Variants in QTMAN observed in about 807,000 individuals in gnomAD.
The protein encoded by QTMAN is queuosine-tRNA mannosyltransferase.
the QTMAN span, among the ~76,000 whole-genome samples, chr2:144,218,336 C>G: frequency 6.6e-6 from 1 of 152,182 alleles, no homozygotes; most frequent in African/African-American, 2.4e-5. Context: ...CATGCCATGG[C>G]AAAGCATCTT....
At chr2:144,202,871 A>G in the QTMAN span, among the ~76,000 whole-genome samples, 2 of 152,218 alleles carry the variant, frequency 1.3e-5, no homozygotes, top group East Asian at 3.8e-4. Context: ...AAGGATATTA[A>G]AAGTGTCTAC....
the QTMAN span, among the ~76,000 whole-genome samples, chr2:144,077,460 T>C: frequency 6.6e-6 from 1 of 152,248 alleles, no homozygotes; most frequent in African/African-American, 2.4e-5. Flanking sequence ...CCATTATCTA[T>C]ACCTCCAGAT....
chr2:144,174,000 G>A, the QTMAN span, among the ~76,000 whole-genome samples: 4 of 152,238 alleles, frequency 2.6e-5, no homozygotes, highest in Middle Eastern at 3.4e-3. Context: ...GATGTTGGGG[G>A]AATACTTCTT....
chr2:144,181,830 TA>T, the QTMAN span, among the ~76,000 whole-genome samples: 1 of 152,024 alleles, frequency 6.6e-6, no homozygotes, highest in African/African-American at 2.4e-5. Flanking sequence ...AATCAATCAA[TA>T]AATAAAAAAT....
chr2:143,986,547 C>G, the QTMAN span, among the ~76,000 whole-genome samples: 2 of 152,288 alleles, frequency 1.3e-5, no homozygotes, highest in African/African-American at 4.8e-5. Context: ...GTCTGAAATT[C>G]TTTCAGTCTG....
chr2:143,953,911 CTGA>C, the QTMAN span, among the ~76,000 whole-genome samples: 2 of 151,832 alleles, frequency 1.3e-5, no homozygotes, highest in African/African-American at 4.8e-5. Flanking sequence ...TTTTAAGTGG[CTGA>C]TGTTTTCCCT....
At chr2:143,946,502 A>G in the QTMAN span, 1 of 152,792 alleles carries the variant, frequency 6.5e-6, no homozygotes, top group Non-Finnish European at 1.5e-5. Context: ...ATGGCTGCCC[A>G]ATTAATCCCA....
the QTMAN span, among the ~76,000 whole-genome samples, chr2:144,133,246 A>C: frequency 0.019 from 500 of 27,020 alleles, 11 homozygotes; most frequent in African/African-American, 0.095. Flanking sequence ...TTTATATATA[A>C]ATATATATAA....
the QTMAN span, among the ~76,000 whole-genome samples, chr2:143,959,520 A>G: frequency 2.0e-5 from 3 of 152,142 alleles, no homozygotes; most frequent in Admixed American, 1.3e-4. Context: ...AAGGAAATGT[A>G]TATGAAGCAC....
the QTMAN span, among the ~76,000 whole-genome samples, chr2:144,281,524 A>T: frequency 2.0e-5 from 3 of 151,730 alleles, no homozygotes; most frequent in African/African-American, 7.3e-5. Flanking sequence ...TAGTGGTGTT[A>T]TGGGCTGAAC....
chr2:144,324,118 C>T, the QTMAN span, among the ~76,000 whole-genome samples: 37 of 152,146 alleles, frequency 2.4e-4, 1 homozygote, highest in Middle Eastern at 0.01. Flanking sequence ...CCAAGGTTAC[C>T]GAAGTGGAAA....
chr2:144,110,467 C>T, the QTMAN span, among the ~76,000 whole-genome samples: 2 of 152,118 alleles, frequency 1.3e-5, no homozygotes, highest in South Asian at 4.2e-4. Context: ...GTGCAGCACA[C>T]CAACATGGCA....
chr2:144,276,316 G>A, the QTMAN span, among the ~76,000 whole-genome samples: 7 of 152,084 alleles, frequency 4.6e-5, no homozygotes, highest in African/African-American at 1.4e-4. Context: ...CAAAGTGCAT[G>A]GGATACAGGC....
At chr2:144,053,001 T>G in the QTMAN span, among the ~76,000 whole-genome samples, 1 of 152,328 alleles carries the variant, frequency 6.6e-6, no homozygotes, top group African/African-American at 2.4e-5. Flanking sequence ...ATCCTGGTCA[T>G]GCACTGATAC....
chr2:144,012,724 A>G, the QTMAN span, among the ~76,000 whole-genome samples: 1 of 152,228 alleles, frequency 6.6e-6, no homozygotes, highest in Non-Finnish European at 1.5e-5. Flanking sequence ...TCCATATGAC[A>G]GAGATTATTA....
At chr2:144,234,195 A>C in the QTMAN span, among the ~76,000 whole-genome samples, 1 of 152,184 alleles carries the variant, frequency 6.6e-6, no homozygotes, top group African/African-American at 2.4e-5. Context: ...GAATTAAACC[A>C]CAAATCATCG....
At chr2:144,020,036 G>A in the QTMAN span, among the ~76,000 whole-genome samples, 1 of 152,200 alleles carries the variant, frequency 6.6e-6, no homozygotes, top group Non-Finnish European at 1.5e-5. Flanking sequence ...TGGACAGCCA[G>A]GAACCAGCAG....
the QTMAN span, among the ~76,000 whole-genome samples, chr2:143,966,572 C>T: frequency 6.6e-6 from 1 of 152,182 alleles, no homozygotes; most frequent in African/African-American, 2.4e-5. Flanking sequence ...CTACTCCAAA[C>T]CCTGCCACTA....
At chr2:144,167,481 T>A in the QTMAN span, among the ~76,000 whole-genome samples, 2 of 152,270 alleles carry the variant, frequency 1.3e-5, no homozygotes, top group South Asian at 4.1e-4. Context: ...GTAATCTTCA[T>A]AATCCCCACA....
Sources: gnomAD v4.1 joint callset for allele counts (sites outside exome capture counted in the v4.1 genomes callset) on GRCh38, gnomAD v4.1.1 for gene constraint, MANE v1.5 for transcripts, NCBI Gene and HGNC (gene_info 2026-07-23, HGNC 2026-07-21) for gene names.